The following USH2A variants were observed in gnomAD, a reference collection of about 807,000 sequenced individuals.
USH2A encodes usherin.
In USH2A, 443 loss-of-function variants were observed where a neutral mutation model predicts 538.9. The observed-to-expected ratio is 0.82, with a 90% CI of 0.76 to 0.89. The LOEUF is 0.89. Ranked by LOEUF, USH2A falls within the 40% of genes least tolerant of loss-of-function variation. USH2A has a pLI of 0.00. For synonymous variants in USH2A, 2,413 were observed against 2,273.5 expected (o/e 1.06, Z -1.75); for missense variants, 6,633 against 6,324.8 (o/e 1.05, Z -1.65).
intron 26 of USH2A, among the ~76,000 whole-genome samples, chr1:216,078,652 ATAGT>A (rs781292468): frequency 3.3e-5 from 5 of 152,184 alleles, no homozygotes; most frequent in Non-Finnish European, 7.4e-5. Flanking sequence ...TTGCTGCAAC[ATAGT>A]TAGAAGATTA....
intron 26 of USH2A, among the ~76,000 whole-genome samples, chr1:216,078,748 A>G (rs985082535): frequency 6.6e-6 from 1 of 152,176 alleles, no homozygotes; most frequent in African/African-American, 2.4e-5. Flanking sequence ...AAAATGAGAA[A>G]ATACTACTTC....
At chr1:216,211,131 T>C (rs1018227108) in intron 15 of USH2A, among the ~76,000 whole-genome samples, 1 of 152,154 alleles carries the variant, frequency 6.6e-6, no homozygotes, top group Admixed American at 6.5e-5. Flanking sequence ...TCTTGTCCTA[T>C]GCATTGCTTC....
chr1:216,160,529 T>G (rs2034035960), intron 21 of USH2A, among the ~76,000 whole-genome samples: 1 of 152,004 alleles, frequency 6.6e-6, no homozygotes. Context: ...CCTAACACTT[T>G]GGGAGACTGA....
Position 215,743,290 on chromosome 1 carries a change from T to C in USH2A, c.11435A>G (p.Asn3812Ser), listed in dbSNP as rs776876392. 77 of 1,609,442 alleles carry C rather than the reference T, an allele frequency of 4.8e-5. No individual in the cohort carries two copies. The highest frequency in any genetic ancestry group is 5.9e-5 in the Non-Finnish European group (69 of 1,178,504). The change falls in exon 59 of 72, where the codon AAT becomes AGT. Residue 3812 changes from asparagine (N) to serine (S), a missense_variant. Asn to Ser is a conservative substitution (Grantham distance 46, BLOSUM62 1). Transcript: ENST00000307340. ...EIPVEYNVLL[N>S]DGSVTPLAFS... is the part of the protein sequence containing the mutation. ...GGCCAGAGGTGTTACACTTCCATCATTGAGTAAGACATTGTACTCCACAGG... is the reference window on the plus strand; with the variant it reads ...GGCCAGAGGTGTTACACTTCCATCACTGAGTAAGACATTGTACTCCACAGG...
intron 11 of USH2A, among the ~76,000 whole-genome samples, chr1:216,277,032 C>T (rs2036682727): frequency 6.6e-6 from 1 of 152,122 alleles, no homozygotes; most frequent in Admixed American, 6.6e-5. Context: ...TCTATATCTA[C>T]CTACTTACCT....
At chr1:216,190,391 G>A in intron 19 of USH2A, 24 bp from the exon 20 acceptor site, 1 of 1,605,686 alleles carries the variant, frequency 6.2e-7, no homozygotes. Context: ...AAGAAAGAAA[G>A]AAAGAAAGAA....
intron 3 of USH2A, among the ~76,000 whole-genome samples, chr1:216,409,081 A>T (rs1212607820): frequency 6.6e-6 from 1 of 152,202 alleles, no homozygotes; most frequent in Non-Finnish European, 1.5e-5. Flanking sequence ...ACACAGTTTA[A>T]TAACAGCTAC....
intron 37 of USH2A, among the ~76,000 whole-genome samples, chr1:215,948,465 C>T (rs549318242): frequency 7.9e-4 from 119 of 149,918 alleles, no homozygotes; most frequent in Admixed American, 1.5e-3. Context: ...CACACACACA[C>T]GTATATATGG....
intron 58 of USH2A, among the ~76,000 whole-genome samples, chr1:215,748,863 A>G (rs954654770): frequency 1.3e-5 from 2 of 152,218 alleles, no homozygotes; most frequent in African/African-American, 4.8e-5. Context: ...CATAGAAAGT[A>G]CTTAATAAAT....
rs758538008 is a variant in USH2A at position 216,217,377 on chromosome 1, G to A, written c.3157+10C>T. 1.9e-6 allele frequency: 3 copies of A among 1,612,660 alleles called. No individual in the cohort carries two copies. Among genetic ancestry groups the A allele is most frequent in the Admixed American group, 3.3e-5 (2 of 59,902 alleles). ...CTTCACACACCAGCACTGAACCAGA[G>A]TTCACTTACTTTTGCTGCAACCCAA... On this transcript the variant is annotated intron_variant, in intron 15 of 71. Coordinates refer to ENST00000307340, the MANE Select transcript of USH2A (RefSeq NM_206933.4).
At chr1:216,068,295 G>C (rs973378170) in intron 30 of USH2A, among the ~76,000 whole-genome samples, 1 of 152,152 alleles carries the variant, frequency 6.6e-6, no homozygotes, top group Non-Finnish European at 1.5e-5. Flanking sequence ...AGTTTGGACA[G>C]AATTAAGATT....
At chr1:215,952,394 T>C (rs1666944127) in intron 37 of USH2A, among the ~76,000 whole-genome samples, 1 of 152,206 alleles carries the variant, frequency 6.6e-6, no homozygotes, top group Non-Finnish European at 1.5e-5. Flanking sequence ...AGCTTAATAT[T>C]GCTATGTGTG....
intron 21 of USH2A, among the ~76,000 whole-genome samples, chr1:216,109,347 C>T (rs1221519030): frequency 6.6e-6 from 1 of 152,054 alleles, no homozygotes. Flanking sequence ...AAAATTCTCC[C>T]CATCTACAAT....
In USH2A at chr1:216,364,942, C is replaced by T. The variant is rs1414543374; in HGVS notation, c.784+11G>A. The T allele has an allele frequency of 6.2e-6, 10 of 1,613,202 alleles. No homozygotes were observed. The highest frequency in any genetic ancestry group is 1.3e-5 in the African/African-American group (1 of 75,008). On this transcript the variant is annotated intron_variant, in intron 4 of 71. Coordinates refer to ENST00000307340, the MANE Select transcript of USH2A (RefSeq NM_206933.4). Reference sequence around the variant, plus strand: ...GATGAAATAAATAACATTCTGAAGTCAGAAACTTACCATTTAAACTCTGTC... The same window carrying T: ...GATGAAATAAATAACATTCTGAAGTTAGAAACTTACCATTTAAACTCTGTC...
chr1:215,774,002 T>C (rs1488663393), intron 55 of USH2A, among the ~76,000 whole-genome samples: 2 of 152,158 alleles, frequency 1.3e-5, no homozygotes, highest in Non-Finnish European at 2.9e-5. Flanking sequence ...CTTTTCTGGA[T>C]GGTATCATTC....
intron 44 of USH2A, among the ~76,000 whole-genome samples, chr1:215,865,524 T>C (rs1235570178): frequency 1.3e-5 from 2 of 152,096 alleles, no homozygotes; most frequent in Admixed American, 1.3e-4. Context: ...CCTTTATGAG[T>C]AGGCTTTTAA....
chr1:215,741,450 C>A lies in USH2A; in HGVS notation c.11636G>T (p.Gly3879Val). The A allele has an allele frequency of 1.9e-6, 3 of 1,613,488 alleles. No homozygotes were observed. The highest frequency in any genetic ancestry group is 1.7e-6 in the Non-Finnish European group (2 of 1,179,870). Residue 3879 changes from glycine to valine, a missense_variant, in exon 60 of 72, where the codon GGG (glycine) becomes GTG (valine). By Grantham distance (109) the Gly-to-Val change is moderately radical. Transcript: ENST00000307340. Reference protein sequence around the residue: ...DLNSPVLKALGSACIEIKWMP... With the variant: ...DLNSPVLKALVSACIEIKWMP... ...CCACTTAATCTCTATGCAAGCTGACCCCAGTGCCTTAAGAACAGGAGAATT... is the reference window on the plus strand; with the variant it reads ...CCACTTAATCTCTATGCAAGCTGACACCAGTGCCTTAAGAACAGGAGAATT...
chr1:215,956,793 A>G (rs915879402), intron 37 of USH2A, among the ~76,000 whole-genome samples: 2 of 152,140 alleles, frequency 1.3e-5, no homozygotes, highest in Admixed American at 1.3e-4. Flanking sequence ...TTGAGAACAG[A>G]TGAGGTCTTA....
In USH2A at chr1:216,073,317, G is replaced by T. The variant is rs2031628012; in HGVS notation, c.5573-17C>A. 1 of 1,568,512 alleles carries T rather than the reference G, an allele frequency of 6.4e-7. No homozygotes were observed. Among genetic ancestry groups the T allele is most frequent in the African/African-American group, 1.6e-5 (1 of 61,130 alleles). On this transcript the variant is annotated splice_polypyrimidine_tract_variant and intron_variant, in intron 27 of 71. Transcript: ENST00000307340. Reference sequence around the variant, plus strand: ...CACCGAAACCTAGCAAATAGTAAGGGATTAGTATCGCATAAAGGGCTTGAG... The same window carrying T: ...CACCGAAACCTAGCAAATAGTAAGGTATTAGTATCGCATAAAGGGCTTGAG...
Sources: gnomAD v4.1 joint callset for allele counts (sites outside exome capture counted in the v4.1 genomes callset) on GRCh38, gnomAD v4.1.1 for gene constraint, MANE v1.5 for transcripts, NCBI Gene and HGNC (gene_info 2026-07-23, HGNC 2026-07-21) for gene names.